Variants in DLG3 observed in about 807,000 individuals in gnomAD.
The protein encoded by DLG3 is disks large homolog 3.
In DLG3, 1 loss-of-function variant was observed where a neutral mutation model predicts 64.1. The observed-to-expected ratio is 0.02, with a 90% confidence interval of 0.01 to 0.07. The LOEUF is 0.07. DLG3 is among the 10% of genes least tolerant of loss of function. The pLI, the probability that DLG3 is intolerant of heterozygous loss-of-function variation, is 1.00. For synonymous variants in DLG3, 245 were observed against 259.8 expected (o/e 0.94, Z 0.55); for missense variants, 429 against 669.5 (o/e 0.64, Z 3.96).
intron 9 of DLG3, among the ~76,000 whole-genome samples, chrX:70,468,243 T>C (rs2086915917): frequency 9.0e-6 from 1 of 111,254 alleles, no homozygotes; most frequent in South Asian, 3.8e-4. Context: ...CTAATTTTTG[T>C]ATTTCTAGTA....
intron 9 of DLG3, among the ~76,000 whole-genome samples, chrX:70,475,732 A>G (rs1391459887): frequency 8.9e-6 from 1 of 112,553 alleles, no homozygotes; most frequent in Non-Finnish European, 1.9e-5. Flanking sequence ...AAATACCAAC[A>G]GTGGTATCTT....
At chrX:70,479,801 G>T (rs1216205607) in intron 10 of DLG3, among the ~76,000 whole-genome samples, 1 of 111,321 alleles carries the variant, frequency 9.0e-6, no homozygotes, top group African/African-American at 3.3e-5. Flanking sequence ...TATGAATCAT[G>T]GGATGTATAG....
At chrX:70,462,053 G>A (rs756245154) in intron 9 of DLG3, among the ~76,000 whole-genome samples, 3 of 43,089 alleles carry the variant, frequency 7.0e-5, no homozygotes, top group Admixed American at 2.8e-4. Context: ...CCCCCCCACC[G>A]CCCCCCCAGC....
rs2087437194 is a variant in DLG3 at position 70,495,419 on chromosome X, G to C, written c.1785G>C (p.Gly595=). 1 of 1,210,658 alleles carries C rather than the reference G, an allele frequency of 8.3e-7. No individual in the cohort carries two copies. The highest frequency in any genetic ancestry group is 1.8e-5 in the South Asian group (1 of 56,894). The change falls in exon 13 of 19, where the codon GGG becomes GGC. Residue 595 remains glycine, a synonymous_variant. Coordinates refer to ENST00000374360, the MANE Select transcript of DLG3 (RefSeq NM_021120.4). ...GTCTGTGAAATCAGGACTTCCCGGGGTTAAGTGACGATTATTATGGAGCAA... is the reference window on the plus strand; with the variant it reads ...GTCTGTGAAATCAGGACTTCCCGGGCTTAAGTGACGATTATTATGGAGCAA... ...GMIESNRDFP[G]LSDDYYGAKN...
chrX:70,451,310 C>T (rs1410784519), intron 6 of DLG3, among the ~76,000 whole-genome samples: 1 of 110,981 alleles, frequency 9.0e-6, no homozygotes, highest in Non-Finnish European at 1.9e-5. Flanking sequence ...TCCATGTTGG[C>T]AAGGATGGTC....
chrX:70,454,192 C>G lies in DLG3; in HGVS notation c.1303-22C>G, dbSNP rs750662881. ...CCTCTTTCTTGCTTTTGGGGTGGCT[C>G]ACAGCTTCTCTCTTTGGACAGGTGA... is the stretch of plus-strand genomic sequence containing the variant. On this transcript the variant is annotated intron_variant, in intron 8 of 18. Coordinates refer to ENST00000374360, the MANE Select transcript of DLG3 (RefSeq NM_021120.4). 1.8e-5 allele frequency: 22 copies of G among 1,200,311 alleles called. No homozygotes were observed. The East Asian group carries it at 5.0e-4, about 28-fold the overall frequency.
At chrX:70,463,205 T>A (rs1175294920) in intron 9 of DLG3, among the ~76,000 whole-genome samples, 1 of 111,923 alleles carries the variant, frequency 8.9e-6, no homozygotes, top group African/African-American at 3.2e-5. Context: ...TGGAGTGCAG[T>A]GGCGCAATCT....
rs758638764 is a variant in DLG3 at position 70,455,277 on chromosome X, G to T, written c.1405+961G>T. On this transcript the variant is annotated intron_variant, in intron 9 of 18. Transcript: ENST00000374360. ...ACCCGGCGCCAGGTGAGGTGGGGCG[G>T]ACGGGGGTCAGGCCCCCTCGCAGTC... 5.3e-5 allele frequency: 40 copies of T among 752,982 alleles called. No homozygotes were observed. The South Asian group carries it at 2.4e-3, about 46-fold the overall frequency. 62.1% of individuals were successfully genotyped at this position (752,982 alleles called of 1,213,427 possible).
intron 10 of DLG3, 88 bp from the exon 11 acceptor site, chrX:70,492,019 G>T (rs1017466438): frequency 3.4e-5 from 33 of 965,501 alleles, no homozygotes; most frequent in Non-Finnish European, 4.3e-5. Flanking sequence ...TGTCTGTGCT[G>T]TTTGGGTTGG....
rs913337652 is a variant in DLG3 at position 70,503,842 on chromosome X, C to T, written c.*1573C>T. The T allele has an allele frequency of 4.5e-5, 5 of 111,036 alleles. No homozygotes were observed. Among genetic ancestry groups the T allele is most frequent in the African/African-American group, 1.6e-4 (5 of 30,386 alleles). 9.2% of individuals were successfully genotyped at this position (111,036 alleles called of 1,213,427 possible). A position where few individuals can be genotyped will look rare whatever the true frequency, so the allele number is the denominator to read the frequency against. The stretch of plus-strand genomic sequence containing the variant: ...CAGCAGGTGTGGTTCAGGTCCCCCC[C>T]CACCCCACTGTGCTCCTTTGAAGCC... On this transcript the variant is annotated 3_prime_UTR_variant, in exon 19 of 19. Transcript: ENST00000374360.
At chrX:70,459,355 T>C (rs2086766010) in intron 9 of DLG3, among the ~76,000 whole-genome samples, 1 of 112,435 alleles carries the variant, frequency 8.9e-6, no homozygotes, top group African/African-American at 3.2e-5. Flanking sequence ...AAATCAGTGG[T>C]GTTAATAACT....
At chrX:70,455,468 A>G (rs1183803887) in intron 9 of DLG3, among the ~76,000 whole-genome samples, 1 of 108,170 alleles carries the variant, frequency 9.2e-6, no homozygotes, top group Non-Finnish European at 1.9e-5. Flanking sequence ...CCCTCACCCT[A>G]CACTGGGCCC....
chrX:70,494,145 A>G (rs950069190), intron 12 of DLG3, among the ~76,000 whole-genome samples: 1 of 112,743 alleles, frequency 8.9e-6, no homozygotes, highest in African/African-American at 3.2e-5. Context: ...CTATTGAGAA[A>G]CACAAAGTTG....
At chrX:70,452,920 G>A in intron 7 of DLG3, 1 of 467,962 alleles carries the variant, frequency 2.1e-6, no homozygotes, top group Non-Finnish European at 3.4e-6. Flanking sequence ...TGCCCTGGGA[G>A]TTGGGCGGAT....
Position 70,505,162 on chromosome X carries a change from A to G in DLG3, c.*2893A>G, listed in dbSNP as rs1441756923. ...GAAAATTCATCTCCTGAGGACAAAG[A>G]GAACAAAGATCTGTCCTGTGGTCAC... is the stretch of plus-strand genomic sequence containing the variant. On this transcript the variant is annotated 3_prime_UTR_variant, in exon 19 of 19. Transcript: ENST00000374360. 1.8e-5 allele frequency: 2 copies of G among 112,651 alleles called. No homozygotes were observed. Among genetic ancestry groups the G allele is most frequent in the African/African-American group, 6.5e-5 (2 of 30,933 alleles). The allele number at this position is 112,651 out of a possible 1,213,427, so 9.3% of individuals were successfully genotyped here.
At chrX:70,447,028 C>A (rs1008131678) in intron 1 of DLG3, among the ~76,000 whole-genome samples, 7 of 112,124 alleles carry the variant, frequency 6.2e-5, no homozygotes, top group African/African-American at 2.3e-4. Context: ...GTCCCTCTCT[C>A]TCCTTTGCCC....
chrX:70,452,746 G>A, intron 7 of DLG3: 1 of 1,188,369 alleles, frequency 8.4e-7, no homozygotes, highest in South Asian at 1.9e-5. Flanking sequence ...CGGCCCGGAG[G>A]GGATGCCAGG....
chrX:70,487,742 C>T, intron 10 of DLG3, among the ~76,000 whole-genome samples: 1 of 112,096 alleles, frequency 8.9e-6, no homozygotes, highest in Non-Finnish European at 1.9e-5. Context: ...ACCTCTGCCT[C>T]CTGGGTTCAA....
intron 10 of DLG3, among the ~76,000 whole-genome samples, chrX:70,481,488 T>C (rs1230389169): frequency 8.9e-6 from 1 of 112,354 alleles, no homozygotes; most frequent in Non-Finnish European, 1.9e-5. Context: ...GGAAGGACTG[T>C]ACTAGGCAGT....
Sources: gnomAD v4.1 joint callset for allele counts (sites outside exome capture counted in the v4.1 genomes callset) on GRCh38, gnomAD v4.1.1 for gene constraint, MANE v1.5 for transcripts, NCBI Gene and HGNC (gene_info 2026-07-23, HGNC 2026-07-21) for gene names.